The following CCDC134 variants were observed in gnomAD, a reference collection of about 807,000 sequenced individuals.
CCDC134 encodes the protein coiled-coil domain-containing protein 134.
In CCDC134, 27 loss-of-function variants were observed where a neutral mutation model predicts 25.6. That is an observed-to-expected ratio of 1.05 (90% CI 0.78 to 1.45). CCDC134 has a LOEUF of 1.45. CCDC134 is among the 40% of genes most tolerant of loss of function. The pLI is 0.00. For missense variants in CCDC134, 261 were observed against 286.7 expected (o/e 0.91, Z 0.65); for synonymous variants, 110 against 115.0 (o/e 0.96, Z 0.28).
intron 1 of CCDC134, among the ~76,000 whole-genome samples, chr22:41,804,899 GTC>G (rs1345192232): frequency 6.6e-6 from 1 of 152,148 alleles, no homozygotes; most frequent in Non-Finnish European, 1.5e-5. Context: ...GTGAAACGCT[GTC>G]TCTACTAAAA....
intron 6 of CCDC134, among the ~76,000 whole-genome samples, chr22:41,821,993 C>T (rs948801227): frequency 1.3e-5 from 2 of 151,956 alleles, no homozygotes; most frequent in Non-Finnish European, 2.9e-5. Flanking sequence ...GGAGGATGAG[C>T]GGACCAGGGA....
intron 6 of CCDC134, among the ~76,000 whole-genome samples, chr22:41,817,159 G>A (rs986813587): frequency 2.0e-5 from 3 of 152,082 alleles, no homozygotes; most frequent in Admixed American, 6.5e-5. Context: ...AACAATCTCA[G>A]GCTGTACCAT....
chr22:41,809,424 G>A (rs2076583583), intron 2 of CCDC134, among the ~76,000 whole-genome samples: 2 of 152,202 alleles, frequency 1.3e-5, no homozygotes, highest in South Asian at 4.1e-4. Context: ...AAATGATCAT[G>A]TTACTCTGTG....
chr22:41,801,791 G>C (rs1178347287), intron 1 of CCDC134, among the ~76,000 whole-genome samples: 1 of 152,166 alleles, frequency 6.6e-6, no homozygotes, highest in Non-Finnish European at 1.5e-5. Context: ...AAATAGCAGA[G>C]TGAGAGACTC....
intron 4 of CCDC134, among the ~76,000 whole-genome samples, 180 bp downstream of exon 4, chr22:41,810,471 T>G (rs2076589729): frequency 6.6e-6 from 1 of 151,836 alleles, no homozygotes; most frequent in Non-Finnish European, 1.5e-5. Flanking sequence ...AACTGGCTAC[T>G]TTTTAGCAAT....
At chr22:41,821,161 C>G (rs114421639) in intron 6 of CCDC134, among the ~76,000 whole-genome samples, 1,787 of 152,148 alleles carry the variant, frequency 0.012, 40 homozygotes, top group African/African-American at 0.041. Context: ...GACTGAGAAT[C>G]GACTGCTGGA....
intron 1 of CCDC134, among the ~76,000 whole-genome samples, chr22:41,805,677 C>A (rs984048673): frequency 6.6e-6 from 1 of 152,186 alleles, no homozygotes; most frequent in African/African-American, 2.4e-5. Flanking sequence ...TGCCTGTAAT[C>A]TCAGCACTTT....
chr22:41,802,107 A>G (rs2148300963), intron 1 of CCDC134, among the ~76,000 whole-genome samples: 1 of 151,562 alleles, frequency 6.6e-6, no homozygotes, highest in Admixed American at 6.6e-5. Context: ...GTTATCAGTC[A>G]TTTGTGCATA....
chr22:41,816,821 G>C (rs555128065), intron 6 of CCDC134, among the ~76,000 whole-genome samples: 1 of 152,308 alleles, frequency 6.6e-6, no homozygotes, highest in South Asian at 2.1e-4. Flanking sequence ...AGGAGGCTGA[G>C]GCAGGAGAAT....
chr22:41,805,725 T>C (rs1440500515), intron 1 of CCDC134, among the ~76,000 whole-genome samples: 1 of 151,890 alleles, frequency 6.6e-6, no homozygotes, highest in African/African-American at 2.4e-5. Context: ...AGCTCAGGAG[T>C]TTGAGACCAG....
rs1326859538 is a variant in CCDC134 at position 41,803,222 on chromosome 22, C to T, written c.-17+2456C>T. On this transcript the variant is annotated intron_variant, in intron 1 of 6. Coordinates refer to ENST00000255784, the MANE Select transcript of CCDC134 (RefSeq NM_024821.5). ...AGGTTATAGGGAGCTATGATTGTAC[C>T]GCTGCACTCCAGCGTGGGTGACAGA... Among the ~76,000 whole-genome samples the T allele has an allele frequency of 5.3e-5, 8 of 152,266 alleles. No homozygotes were observed. The South Asian group carries it at 6.2e-4, about 12-fold the overall frequency.
At chr22:41,824,640 A>G (rs1316435287) in intron 6 of CCDC134, among the ~76,000 whole-genome samples, 1 of 152,094 alleles carries the variant, frequency 6.6e-6, no homozygotes, top group Admixed American at 6.6e-5. Flanking sequence ...GGCGCTTGTA[A>G]TCCCAGCTAC....
chr22:41,801,048 G>A (rs1164235436), intron 1 of CCDC134, among the ~76,000 whole-genome samples: 1 of 150,742 alleles, frequency 6.6e-6, no homozygotes, highest in Non-Finnish European at 1.5e-5. Flanking sequence ...TGACGCATAC[G>A]GCAGGATCGG....
intron 6 of CCDC134, among the ~76,000 whole-genome samples, chr22:41,814,907 G>A (rs981626883): frequency 6.6e-6 from 1 of 152,172 alleles, no homozygotes; most frequent in Non-Finnish European, 1.5e-5. Flanking sequence ...CGCTGTGCAT[G>A]CAGGGGGTGT....
Position 41,808,992 on chromosome 22 carries a change from C to G in CCDC134, c.102C>G (p.Ile34Met). The G allele has an allele frequency of 6.2e-7, 1 of 1,611,750 alleles. No homozygotes were observed. The highest frequency in any genetic ancestry group is 1.3e-5 in the African/African-American group (1 of 74,942). ...LRTSLDPSLE[I>M]YKKMFEVKRR... ...CCTCCCTGGACCCAAGCCTGGAGAT[C>G]TGTATCCTTTGGGGTTGTAGTTAAT... Residue 34 changes from isoleucine to methionine, a missense_variant and splice_region_variant, in exon 2 of 7, where the codon ATC (isoleucine) becomes ATG (methionine). Coordinates refer to ENST00000255784, the MANE Select transcript of CCDC134 (RefSeq NM_024821.5).
chr22:41,831,524 A>G lies in CCDC134; in HGVS notation c.*5701A>G, dbSNP rs1326074627. On this transcript the variant is annotated 3_prime_UTR_variant, in exon 7 of 7. Coordinates refer to ENST00000255784, the MANE Select transcript of CCDC134 (RefSeq NM_024821.5). Reference sequence around the variant, plus strand: ...TTTCAATTGCAATACAGCAGTATGCAAGGCACTTACTGTATGCCAAAGCTT... The same window carrying G: ...TTTCAATTGCAATACAGCAGTATGCGAGGCACTTACTGTATGCCAAAGCTT... The G allele has an allele frequency of 2.0e-5, 3 of 152,248 alleles. No individual in the cohort carries two copies. The highest frequency in any genetic ancestry group is 7.2e-5 in the African/African-American group (3 of 41,462). The allele number at this position is 152,248 out of a possible 1,614,324, so 9.4% of individuals were successfully genotyped here.
chr22:41,810,753 C>G (rs2076592006), intron 4 of CCDC134, among the ~76,000 whole-genome samples: 1 of 152,106 alleles, frequency 6.6e-6, no homozygotes, highest in African/African-American at 2.4e-5. Flanking sequence ...CTCGGCCTCC[C>G]AAAGCGCTGG....
intron 6 of CCDC134, among the ~76,000 whole-genome samples, chr22:41,817,826 C>T (rs917559664): frequency 1.1e-4 from 16 of 152,156 alleles, no homozygotes; most frequent in African/African-American, 3.9e-4. Flanking sequence ...ATGACCAGGA[C>T]ACTGACAATA....
rs1277663541 is a variant in CCDC134, at chr22:41,825,691, C to T, written c.565-7C>T. ...ACTAAATCAGACTGCTCTTCTCTTCCCTTCAGTTCATTCCCAGCACTGACC... is the reference window on the plus strand; with the variant it reads ...ACTAAATCAGACTGCTCTTCTCTTCTCTTCAGTTCATTCCCAGCACTGACC... On this transcript the variant is annotated splice_polypyrimidine_tract_variant and splice_region_variant and intron_variant, in intron 6 of 6. Transcript: ENST00000255784. This position sits in a 1 kb window ranked among gnomAD's most constrained non-coding sequence, Gnocchi z 4.4. The T allele has an allele frequency of 3.7e-6, 6 of 1,613,874 alleles. No homozygotes were observed. The highest frequency in any genetic ancestry group is 4.5e-5 in the East Asian group (2 of 44,896).
Sources: gnomAD v4.1 joint callset for allele counts (sites outside exome capture counted in the v4.1 genomes callset) on GRCh38, gnomAD v4.1.1 for gene constraint, Gnocchi (gnomAD v3.1) non-coding constraint, MANE v1.5 for transcripts, NCBI Gene and HGNC (gene_info 2026-07-23, HGNC 2026-07-21) for gene names.